The following PTPRM variants were observed in gnomAD, a reference collection of about 807,000 sequenced individuals.
The protein encoded by PTPRM is receptor-type tyrosine-protein phosphatase mu.
PTPRM carries 47 observed loss-of-function variants against 186.7 expected under a neutral mutation model. The observed-to-expected ratio is 0.25, with a 90% CI of 0.20 to 0.32. PTPRM has a LOEUF of 0.32. PTPRM is among the 10% of genes least tolerant of loss of function. The pLI, the probability that PTPRM is intolerant of heterozygous loss-of-function variation, is 1.00. For missense variants in PTPRM, 1,494 were observed against 1,865.0 expected, an observed-to-expected ratio of 0.80 and a Z score of 3.66; for synonymous variants, 668 against 674.9, an observed-to-expected ratio of 0.99 and a Z score of 0.16.
chr18:8,275,026 A>G (rs2094817386), intron 19 of PTPRM, among the ~76,000 whole-genome samples: 1 of 152,240 alleles, frequency 6.6e-6, no homozygotes, highest in African/African-American at 2.4e-5. Context: ...TGCCGTAAGA[A>G]AATGCATAAA....
At chr18:8,331,248 C>A in intron 22 of PTPRM, among the ~76,000 whole-genome samples, 1 of 152,172 alleles carries the variant, frequency 6.6e-6, no homozygotes, top group South Asian at 2.1e-4. Flanking sequence ...ATGGAGTTTC[C>A]AGAAATGCTT....
intron 19 of PTPRM, 150 bp from the exon 20 acceptor site, chr18:8,296,218 T>G (rs538852280): frequency 8.7e-6 from 5 of 575,058 alleles, no homozygotes; most frequent in Non-Finnish European, 1.6e-5. Flanking sequence ...ATTTAAAATA[T>G]AAATGTAGTG....
At chr18:7,911,345 AT>A (rs1297815710) in intron 4 of PTPRM, among the ~76,000 whole-genome samples, 4 of 152,162 alleles carry the variant, frequency 2.6e-5, no homozygotes, top group Non-Finnish European at 5.9e-5. Context: ...TGGCTGCACC[AT>A]TTTCCATTTC....
At chr18:7,663,976 G>A (rs953662809) in intron 1 of PTPRM, among the ~76,000 whole-genome samples, 9 of 152,146 alleles carry the variant, frequency 5.9e-5, no homozygotes, top group Admixed American at 4.6e-4. Flanking sequence ...GCTTGGGCCC[G>A]CCACCTCAAC....
intron 1 of PTPRM, among the ~76,000 whole-genome samples, chr18:7,582,122 T>C (rs2036861934): frequency 6.6e-6 from 1 of 152,208 alleles, no homozygotes; most frequent in Non-Finnish European, 1.5e-5. Flanking sequence ...TATTGCTGTG[T>C]AACAAAGCAC....
At chr18:7,628,905 A>G (rs904287648) in intron 1 of PTPRM, among the ~76,000 whole-genome samples, 9 of 152,316 alleles carry the variant, frequency 5.9e-5, no homozygotes, top group African/African-American at 2.2e-4. Context: ...CAGTTTAACA[A>G]TGAGGAAGCT....
chr18:8,081,563 A>G (rs986177409), intron 9 of PTPRM, among the ~76,000 whole-genome samples: 4 of 152,156 alleles, frequency 2.6e-5, no homozygotes, highest in Admixed American at 2.0e-4. Flanking sequence ...CTGAAACCAT[A>G]TGGACATTTG....
At chr18:8,248,413 A>T in intron 17 of PTPRM, 1 of 590,222 alleles carries the variant, frequency 1.7e-6, no homozygotes, top group South Asian at 1.8e-5. Flanking sequence ...ACAGGTTCAA[A>T]TGAACAATCT....
In PTPRM at chr18:8,397,298, A is replaced by G. The variant is rs1344449534; in HGVS notation, c.4344+2687A>G. Among the ~76,000 whole-genome samples, 4 of 152,362 alleles carry G rather than the reference A, an allele frequency of 2.6e-5. No homozygotes were observed. The East Asian group carries it at 5.8e-4, about 22-fold the overall frequency. On this transcript the variant is annotated intron_variant, in intron 32 of 32. Coordinates refer to ENST00000580170, the MANE Select transcript of PTPRM (RefSeq NM_001105244.2). Reference sequence around the variant, plus strand: ...ACCCTCCCTGCCAGGGCGGGTGAGCACACAGAGGGACGCTGTGTCTCTCAC... The same window carrying G: ...ACCCTCCCTGCCAGGGCGGGTGAGCGCACAGAGGGACGCTGTGTCTCTCAC...
chr18:7,593,971 T>G (rs186710733), intron 1 of PTPRM, among the ~76,000 whole-genome samples: 4 of 152,200 alleles, frequency 2.6e-5, no homozygotes, highest in African/African-American at 9.6e-5. Flanking sequence ...CAGAACTTCT[T>G]AGGTCCGATG....
chr18:7,845,647 C>T (rs527781874), intron 2 of PTPRM, among the ~76,000 whole-genome samples: 1 of 152,136 alleles, frequency 6.6e-6, no homozygotes, highest in Non-Finnish European at 1.5e-5. Context: ...GGACAACATT[C>T]CCTGTTATTC....
chr18:8,057,362 C>CA (rs1568265404), intron 7 of PTPRM, among the ~76,000 whole-genome samples: 1 of 146,818 alleles, frequency 6.8e-6, no homozygotes, highest in African/African-American at 2.5e-5. Context: ...TAAACACCAA[C>CA]AAAAAATTAT....
chr18:7,896,517 A>G (rs2049365438), intron 3 of PTPRM, among the ~76,000 whole-genome samples: 1 of 152,184 alleles, frequency 6.6e-6, no homozygotes, highest in African/African-American at 2.4e-5. Context: ...AAAGAGAAAC[A>G]ATGCATAGGT....
At chr18:8,245,673 G>A (rs2094470932) in intron 15 of PTPRM, among the ~76,000 whole-genome samples, 1 of 152,156 alleles carries the variant, frequency 6.6e-6, no homozygotes, top group African/African-American at 2.4e-5. Context: ...TTTTGTAGTA[G>A]CAGGTATTCC....
chr18:8,094,955 A>G (rs544972222), intron 11 of PTPRM, among the ~76,000 whole-genome samples: 7 of 152,182 alleles, frequency 4.6e-5, no homozygotes, highest in East Asian at 1.9e-4. Flanking sequence ...TAAAAATTCC[A>G]TCTTAAGGTC....
At position 8,384,549 on chromosome 18, in the gene PTPRM, T is replaced by G; in HGVS notation, c.3919-12T>G. ...TTATAACTAACCTTGTGTTTATATG[T>G]TTTGAATTCAGTTGTGTCCACAGTA... On this transcript the variant is annotated splice_polypyrimidine_tract_variant and intron_variant, in intron 29 of 32. Coordinates refer to ENST00000580170, the MANE Select transcript of PTPRM (RefSeq NM_001105244.2). The G allele has an allele frequency of 1.2e-6, 2 of 1,614,020 alleles. No individual in the cohort carries two copies. The highest frequency in any genetic ancestry group is 4.5e-5 in the East Asian group (2 of 44,886).
intron 2 of PTPRM, among the ~76,000 whole-genome samples, chr18:7,825,226 G>A (rs1403105303): frequency 1.3e-5 from 2 of 152,150 alleles, no homozygotes; most frequent in African/African-American, 4.8e-5. Flanking sequence ...TTCCCAAACT[G>A]TGGGCCAAGG....
chr18:8,122,653 A>T (rs745535066), intron 13 of PTPRM, among the ~76,000 whole-genome samples: 8 of 152,214 alleles, frequency 5.3e-5, no homozygotes, highest in Non-Finnish European at 1.0e-4. Context: ...ATACATAAAG[A>T]TATATTCCTA....
intron 21 of PTPRM, 34 bp from the exon 22 acceptor site, chr18:8,319,144 T>A: frequency 7.0e-7 from 1 of 1,424,676 alleles, no homozygotes; most frequent in East Asian, 2.3e-5. Context: ...ATCGATTTTA[T>A]GTTTATCAAA....
Sources: allele counts gnomAD v4.1 joint callset (sites outside exome capture counted in the v4.1 genomes callset), GRCh38; gene constraint gnomAD v4.1.1; transcripts MANE v1.5; gene names NCBI Gene and HGNC (gene_info 2026-07-23, HGNC 2026-07-21).